The following NSD2 variants were observed in gnomAD, a reference collection of about 807,000 sequenced individuals.
The protein encoded by NSD2 is nuclear receptor binding SET domain protein 2.
NSD2 carries 12 observed loss-of-function variants against 139.0 expected under a neutral mutation model. The observed-to-expected ratio is 0.09, with a 90% CI of 0.06 to 0.14. The LOEUF (loss-of-function observed/expected upper bound fraction) is 0.14, where lower values mean the gene tolerates loss of function less well. Ranked by LOEUF, NSD2 falls within the 10% of genes least tolerant of loss-of-function variation. The probability of loss-of-function intolerance (pLI) is 1.00; values close to 1 mark genes in which losing one functional copy is unlikely to be tolerated. For synonymous variants in NSD2, 669 were observed against 648.7 expected (o/e 1.03, Z -0.48); for missense variants, 1,155 against 1,745.0 (o/e 0.66, Z 6.02).
chr4:1,929,091 G>A (rs1215107919), intron 5 of NSD2, among the ~76,000 whole-genome samples: 1 of 152,108 alleles, frequency 6.6e-6, no homozygotes, highest in Non-Finnish European at 1.5e-5. Flanking sequence ...TAGGCTGGGG[G>A]TGTCTGCAGG....
chr4:1,974,642 A>G lies in NSD2; in HGVS notation c.3373-221A>G, dbSNP rs773355536. Reference sequence around the variant, plus strand: ...CCCTGTCCTGTCCTCCCCGGCGCTCACTAAGGCTCGGTCCTCTCCACGTGG... The same window carrying G: ...CCCTGTCCTGTCCTCCCCGGCGCTCGCTAAGGCTCGGTCCTCTCCACGTGG... On this transcript the variant is annotated intron_variant, in intron 18 of 21. Transcript: ENST00000508803. This position sits in a 1 kb window ranked among gnomAD's most constrained non-coding sequence, Gnocchi z 4.0. The G allele has an allele frequency of 6.8e-6, 5 of 733,694 alleles. No individual in the cohort carries two copies. The highest frequency in any genetic ancestry group is 1.7e-5 in the African/African-American group (1 of 58,152). The allele number at this position is 733,694 out of a possible 1,614,324, so 45.4% of individuals were successfully genotyped here. A position where few individuals can be genotyped will look rare whatever the true frequency, so the allele number is the denominator to read the frequency against.
At chr4:1,940,639 T>A in intron 9 of NSD2, 1 of 1,062,206 alleles carries the variant, frequency 9.4e-7, no homozygotes, top group Non-Finnish European at 1.1e-6. Flanking sequence ...GTCCTGTTTT[T>A]GTCATGTTTA....
intron 1 of NSD2, among the ~76,000 whole-genome samples, chr4:1,880,540 T>C (rs1442082539): frequency 6.6e-6 from 1 of 151,426 alleles, no homozygotes; most frequent in African/African-American, 2.4e-5. Context: ...TTTATAGGCC[T>C]GTAATGGGAT....
At chr4:1,924,293 C>G (rs950794270) in intron 5 of NSD2, among the ~76,000 whole-genome samples, 1 of 152,170 alleles carries the variant, frequency 6.6e-6, no homozygotes, top group Non-Finnish European at 1.5e-5. Context: ...TGTTTGACAG[C>G]TAGGCCTGCG....
At chr4:1,884,236 T>C (rs1714914936) in intron 1 of NSD2, among the ~76,000 whole-genome samples, 1 of 148,548 alleles carries the variant, frequency 6.7e-6, no homozygotes, top group Non-Finnish European at 1.5e-5. Context: ...GCTGGGACTA[T>C]GGGTGCATGC....
At chr4:1,890,016 C>G (rs1253055023) in intron 1 of NSD2, among the ~76,000 whole-genome samples, 3 of 152,152 alleles carry the variant, frequency 2.0e-5, no homozygotes, top group Non-Finnish European at 4.4e-5. Flanking sequence ...CCCCTGGCAG[C>G]CATTCTACTT....
intron 5 of NSD2, among the ~76,000 whole-genome samples, chr4:1,925,152 A>G (rs1262195120): frequency 6.6e-6 from 1 of 152,174 alleles, no homozygotes; most frequent in East Asian, 1.9e-4. Flanking sequence ...CCCTGCTTCC[A>G]TCTGTAACCT....
At chr4:1,919,942 A>G (rs190455376) in intron 5 of NSD2, among the ~76,000 whole-genome samples, 4 of 152,152 alleles carry the variant, frequency 2.6e-5, no homozygotes, top group African/African-American at 9.7e-5. Context: ...CTCAAAAAAA[A>G]AGGAAAAAAA....
At position 1,974,732 on chromosome 4, in the gene NSD2, C is replaced by A; in HGVS notation, c.3373-131C>A. The A allele has an allele frequency of 7.7e-7, 1 of 1,294,648 alleles. No homozygotes were observed. The highest frequency in any genetic ancestry group is 1.1e-6 in the Non-Finnish European group (1 of 899,740). 80.2% of individuals were successfully genotyped at this position (1,294,648 alleles called of 1,614,324 possible). On this transcript the variant is annotated intron_variant, in intron 18 of 21. Transcript: ENST00000508803. The surrounding 1 kb of genome is among the most constrained non-coding windows in gnomAD (Gnocchi z 4.0). ...TTTGGGGGTGTCCTGTCTCAGTGGACACAGGACACCACGGTTTTCAGTACA... is the reference window on the plus strand; with the variant it reads ...TTTGGGGGTGTCCTGTCTCAGTGGAAACAGGACACCACGGTTTTCAGTACA...
intron 9 of NSD2, among the ~76,000 whole-genome samples, chr4:1,949,927 G>A (rs746891959): frequency 3.9e-5 from 6 of 152,168 alleles, no homozygotes; most frequent in Non-Finnish European, 7.3e-5. Context: ...CCCTGGTGGG[G>A]TTGGCTTTTA....
In NSD2 at chr4:1,888,723, G is replaced by A. The variant is rs189344167; in HGVS notation, c.-29-11903G>A. On this transcript the variant is annotated intron_variant, in intron 1 of 21. Transcript: ENST00000508803. ...GGGATTACAGGCGTGAACCCACTGC[G>A]CCTGGCTAATTTTTGTATTTTTAAT... 6.0e-3 allele frequency among the ~76,000 whole-genome samples: 896 copies of A among 149,904 alleles called. 4 individuals are homozygous for A. Among genetic ancestry groups the A allele is most frequent in the South Asian group, 0.014 (64 of 4,682 alleles).
rs886425218 is a variant in NSD2, at chr4:1,973,424, T to C, written c.3373-1439T>C. ...CGTCCCCAGGGCCCTGCAGAAGTGG[T>C]GTGCATGCCAACGTGCACATCAGCA... On this transcript the variant is annotated intron_variant, in intron 18 of 21. Transcript: ENST00000508803. This position sits in a 1 kb window ranked among gnomAD's most constrained non-coding sequence, Gnocchi z 5.5. 1.3e-5 allele frequency among the ~76,000 whole-genome samples: 2 copies of C among 152,190 alleles called. No homozygotes were observed. The highest frequency in any genetic ancestry group is 4.8e-5 in the African/African-American group (2 of 41,432).
intron 5 of NSD2, among the ~76,000 whole-genome samples, chr4:1,928,559 C>T (rs1172280267): frequency 1.3e-5 from 2 of 152,180 alleles, no homozygotes; most frequent in Non-Finnish European, 2.9e-5. Flanking sequence ...GATGATGACA[C>T]TTTCCTGGCT....
chr4:1,967,353 G>A (rs574695192), intron 18 of NSD2, among the ~76,000 whole-genome samples: 63 of 152,338 alleles, frequency 4.1e-4, no homozygotes, highest in African/African-American at 1.5e-3. Flanking sequence ...GCCGAGGCCG[G>A]CAGATCACAA....
chr4:1,901,146 G>C lies in NSD2; in HGVS notation c.492G>C (p.Lys164Asn). The change falls in exon 2 of 22, where the codon AAG (lysine) becomes AAC (asparagine). Residue 164 changes from lysine to asparagine, a missense_variant. By Grantham distance (94) the Lys-to-Asn change is moderately conservative. Coordinates refer to ENST00000508803, the MANE Select transcript of NSD2 (RefSeq NM_001042424.3). Reference sequence around the variant, plus strand: ...AAAATGGACAAAAACCAGAAAACAAGGCGAGAAGGAACAGGAAGAGGAGCA... The same window carrying C: ...AAAATGGACAAAAACCAGAAAACAACGCGAGAAGGAACAGGAAGAGGAGCA... The part of the protein sequence containing the change: ...SEENGQKPEN[K>N]ARRNRKRSIK... The C allele has an allele frequency of 6.2e-7, 1 of 1,614,202 alleles. No homozygotes were observed. The highest frequency in any genetic ancestry group is 1.3e-5 in the African/African-American group (1 of 75,038).
At chr4:1,941,873 G>A (rs544719188) in intron 9 of NSD2, 1 of 1,061,218 alleles carries the variant, frequency 9.4e-7, no homozygotes, top group Admixed American at 5.2e-5. Context: ...TGTTTCCAAT[G>A]CTGAATGCCT....
intron 1 of NSD2, among the ~76,000 whole-genome samples, chr4:1,882,667 A>AAACAAC (rs530707928): frequency 5.9e-5 from 9 of 151,982 alleles, no homozygotes; most frequent in African/African-American, 9.7e-5. Flanking sequence ...TCTGTCTCAA[A>AAACAAC]AACAACAACA....
chr4:1,930,299 C>G (rs1721486139), intron 5 of NSD2, among the ~76,000 whole-genome samples: 1 of 152,168 alleles, frequency 6.6e-6, no homozygotes, highest in South Asian at 2.1e-4. Context: ...GCTAATTTTT[C>G]AGGGGTGCCT....
rs1378930968 is a variant in NSD2 at position 1,872,587 on chromosome 4, TGTGTGAGAGAGAGA to T, written c.-30+1047_-30+1060del. 8.6e-4 allele frequency among the ~76,000 whole-genome samples: 43 copies of T among 50,146 alleles called. 1 individual carries two copies. Among genetic ancestry groups the T allele is most frequent in the African/African-American group, 2.4e-3 (40 of 16,948 alleles). 32.9% of individuals were successfully genotyped at this position (50,146 alleles called of 152,430 possible). A position where few individuals can be genotyped will look rare whatever the true frequency, so the allele number is the denominator to read the frequency against. On this transcript the variant is annotated intron_variant, in intron 1 of 21. Coordinates refer to ENST00000508803, the MANE Select transcript of NSD2 (RefSeq NM_001042424.3). ...TTTTGTGTGTGTGTGTGTGTGTGTG[TGTGTGAGAGAGAGA>T]GAGAGAGAGAGAGAGAGAGAGAGAG...
Sources: gnomAD v4.1 joint callset for allele counts (sites outside exome capture counted in the v4.1 genomes callset) on GRCh38, gnomAD v4.1.1 for gene constraint, Gnocchi (gnomAD v3.1) non-coding constraint, MANE v1.5 for transcripts, NCBI Gene and HGNC (gene_info 2026-07-23, HGNC 2026-07-21) for gene names.